The following NTM variants were observed in gnomAD, a reference collection of about 807,000 sequenced individuals.
The protein encoded by NTM is IgLON family member 2.
NTM carries 13 observed loss-of-function variants against 42.1 expected under a neutral mutation model. That is an observed-to-expected ratio of 0.31 (90% CI 0.20 to 0.49). The LOEUF (loss-of-function observed/expected upper bound fraction) is 0.49. Ranked by LOEUF, NTM falls within the 20% of genes least tolerant of loss-of-function variation. The pLI, the probability that NTM is intolerant of heterozygous loss-of-function variation, is 0.99. For missense variants in NTM, 373 were observed against 452.8 expected (o/e 0.82, Z 1.60); for synonymous variants, 187 against 179.2 (o/e 1.04, Z -0.35).
intron 2 of NTM, among the ~76,000 whole-genome samples, chr11:132,123,788 G>C (rs557354853): frequency 1.3e-5 from 2 of 152,120 alleles, no homozygotes; most frequent in South Asian, 2.1e-4. Flanking sequence ...AGAGAACCAC[G>C]CATGTGCCGG....
intron 1 of NTM, among the ~76,000 whole-genome samples, chr11:131,584,726 A>AGT (rs2060992774): frequency 6.6e-6 from 1 of 152,226 alleles, no homozygotes; most frequent in Non-Finnish European, 1.5e-5. Context: ...AGCCTGTGTC[A>AGT]ATCACCCTGG....
At chr11:132,184,766 A>AT in intron 3 of NTM, among the ~76,000 whole-genome samples, 1 of 152,286 alleles carries the variant, frequency 6.6e-6, no homozygotes, top group African/African-American at 2.4e-5. Flanking sequence ...AGCTACACAA[A>AT]TTTTTTGGGA....
intron 1 of NTM, among the ~76,000 whole-genome samples, chr11:131,909,079 G>C (rs910975840): frequency 2.0e-5 from 3 of 152,216 alleles, no homozygotes; most frequent in African/African-American, 7.2e-5. Context: ...TTGGCCCAAT[G>C]ATGAGTTAAT....
intron 1 of NTM, among the ~76,000 whole-genome samples, chr11:131,754,310 G>A (rs1486995508): frequency 6.6e-6 from 1 of 152,018 alleles, no homozygotes; most frequent in African/African-American, 2.4e-5. Flanking sequence ...AAGAAAAGTT[G>A]TATGTTTTTT....
chr11:132,018,795 A>G (rs996517880), intron 2 of NTM, among the ~76,000 whole-genome samples: 4 of 151,978 alleles, frequency 2.6e-5, no homozygotes, highest in African/African-American at 9.7e-5. Flanking sequence ...AAGTATTGAC[A>G]TGTTTTGTTT....
At chr11:132,069,575 A>G (rs2057118475) in intron 2 of NTM, among the ~76,000 whole-genome samples, 1 of 151,004 alleles carries the variant, frequency 6.6e-6, no homozygotes, top group Admixed American at 6.6e-5. Context: ...ACTGACCGTC[A>G]CAGGTTAGTT....
chr11:131,719,256 C>T (rs1250520319), intron 1 of NTM, among the ~76,000 whole-genome samples: 3 of 152,078 alleles, frequency 2.0e-5, no homozygotes, highest in Non-Finnish European at 4.4e-5. Context: ...TTGTTGTTTC[C>T]AGTGGGAAGG....
At chr11:131,995,576 G>A (rs1394616483) in intron 2 of NTM, among the ~76,000 whole-genome samples, 1 of 152,102 alleles carries the variant, frequency 6.6e-6, no homozygotes, top group Non-Finnish European at 1.5e-5. Flanking sequence ...GGAAGAGAGT[G>A]TGAGATGGGG....
intron 1 of NTM, among the ~76,000 whole-genome samples, chr11:131,755,330 G>A (rs1356579852): frequency 6.6e-6 from 1 of 152,120 alleles, no homozygotes; most frequent in Non-Finnish European, 1.5e-5. Context: ...AATGACCCTG[G>A]GGGTGAAGAC....
In NTM at chr11:132,082,884, C is replaced by G. The variant is rs183698652; in HGVS notation, c.168-63398C>G. On this transcript the variant is annotated intron_variant, in intron 2 of 8. Coordinates refer to ENST00000683400, the MANE Select transcript of NTM (RefSeq NM_001352005.2). Reference sequence around the variant, plus strand: ...TTAGAAGACATGTACCAAAATGAAACAAAAGCGAGGGTAAGGACGGCTCAA... The same window carrying G: ...TTAGAAGACATGTACCAAAATGAAAGAAAAGCGAGGGTAAGGACGGCTCAA... 4.2e-4 allele frequency among the ~76,000 whole-genome samples: 64 copies of G among 152,234 alleles called. 1 individual carries two copies. In the East Asian group the frequency reaches 8.7e-3, roughly 21 times the overall value.
chr11:132,071,002 A>C (rs1566082614), intron 2 of NTM, among the ~76,000 whole-genome samples: 1 of 141,946 alleles, frequency 7.0e-6, no homozygotes, highest in African/African-American at 2.6e-5. Context: ...TTAACACGTC[A>C]CACTGACCAT....
At chr11:132,314,394 A>T in intron 6 of NTM, 158 bp from the exon 7 acceptor site, 1 of 332,578 alleles carries the variant, frequency 3.0e-6, no homozygotes, top group Non-Finnish European at 4.3e-6. Context: ...TCTGTGAACT[A>T]CTACTACATT....
intron 2 of NTM, among the ~76,000 whole-genome samples, chr11:132,100,407 G>T (rs1361426842): frequency 1.3e-5 from 2 of 152,172 alleles, no homozygotes; most frequent in Admixed American, 6.5e-5. Context: ...TCACACTGGG[G>T]GGACACATAG....
intron 4 of NTM, among the ~76,000 whole-genome samples, chr11:132,299,202 G>A (rs2094742866): frequency 6.6e-6 from 1 of 152,152 alleles, no homozygotes; most frequent in Non-Finnish European, 1.5e-5. Flanking sequence ...GGCTGAGGCA[G>A]GAGAATATTG....
At chr11:131,506,632 G>A (rs1565577412) in intron 1 of NTM, among the ~76,000 whole-genome samples, 2 of 152,292 alleles carry the variant, frequency 1.3e-5, no homozygotes, top group East Asian at 3.9e-4. Flanking sequence ...CTTTGCCAGG[G>A]AGAGATGGTA....
At chr11:131,864,367 C>G (rs74548883) in intron 1 of NTM, among the ~76,000 whole-genome samples, 5,123 of 152,164 alleles carry the variant, frequency 0.034, 303 homozygotes, top group African/African-American at 0.12. Context: ...TGCTGGAGAG[C>G]CTAATAGGCA....
intron 2 of NTM, among the ~76,000 whole-genome samples, chr11:131,940,338 G>A (rs2059663471): frequency 6.6e-6 from 1 of 152,212 alleles, no homozygotes; most frequent in African/African-American, 2.4e-5. Flanking sequence ...CAGGCCTCTG[G>A]TTGTTGAGGA....
chr11:132,015,670 A>ATTTTATTTTATTTT (rs2073274880), intron 2 of NTM, among the ~76,000 whole-genome samples: 2 of 151,044 alleles, frequency 1.3e-5, no homozygotes, highest in Admixed American at 6.6e-5. Context: ...ATTTTATTTT[A>ATTTTATTTTATTTT]TGCAGCTAAT....
chr11:131,628,941 G>T (rs900870394), intron 1 of NTM, among the ~76,000 whole-genome samples: 5 of 152,226 alleles, frequency 3.3e-5, no homozygotes, highest in African/African-American at 1.2e-4. Flanking sequence ...GATGGGCATG[G>T]TCCTGCCCAG....
Sources: allele counts gnomAD v4.1 joint callset (sites outside exome capture counted in the v4.1 genomes callset), GRCh38; gene constraint gnomAD v4.1.1; transcripts MANE v1.5; gene names NCBI Gene and HGNC (gene_info 2026-07-23, HGNC 2026-07-21).